Variants in PCDH9 observed in about 807,000 individuals in gnomAD.
The protein encoded by PCDH9 is protocadherin-9.
Under a neutral mutation model 70.6 loss-of-function variants are expected in PCDH9, and 24 were observed. The ratio of observed to expected loss-of-function variants is 0.34; its 90% CI spans 0.25 to 0.48. The LOEUF is 0.48. Ranked by LOEUF, PCDH9 falls within the 20% of genes least tolerant of loss-of-function variation. The pLI, the probability that PCDH9 is intolerant of heterozygous loss-of-function variation, is 0.99. For synonymous variants in PCDH9, 562 were observed against 558.5 expected (o/e 1.01, Z -0.09); for missense variants, 1,281 against 1,503.6 (o/e 0.85, Z 2.45).
intron 4 of PCDH9, among the ~76,000 whole-genome samples, chr13:66,614,284 A>G (rs1264670062): frequency 6.6e-6 from 1 of 152,224 alleles, no homozygotes; most frequent in East Asian, 1.9e-4. Context: ...GTGGTGGAAG[A>G]ATTGTGGAAA....
chr13:67,160,795 G>A (rs1027568623), intron 2 of PCDH9, among the ~76,000 whole-genome samples: 1 of 152,152 alleles, frequency 6.6e-6, no homozygotes, highest in African/African-American at 2.4e-5. Context: ...TTTGTCTTAT[G>A]GAGGCAGATT....
intron 4 of PCDH9, among the ~76,000 whole-genome samples, chr13:66,397,637 T>C (rs1378501067): frequency 2.0e-5 from 3 of 151,554 alleles, no homozygotes; most frequent in South Asian, 2.1e-4. Flanking sequence ...TTTGTATATA[T>C]ATACACAAAA....
chr13:66,557,196 G>C (rs547740059), intron 4 of PCDH9, among the ~76,000 whole-genome samples: 2 of 152,152 alleles, frequency 1.3e-5, no homozygotes, highest in Non-Finnish European at 2.9e-5. Flanking sequence ...GCAAATGAAT[G>C]TATTTTTTGT....
chr13:66,305,192 C>T (rs773878974), intron 4 of PCDH9, among the ~76,000 whole-genome samples, 164 bp from the exon 5 acceptor site: 7 of 151,968 alleles, frequency 4.6e-5, no homozygotes, highest in Non-Finnish European at 1.0e-4. Flanking sequence ...AAGATTAACA[C>T]AAAAGGCATC....
Position 66,924,568 on chromosome 13 carries a change from A to G in PCDH9, c.3037-20963T>C, listed in dbSNP as rs559953872. 6.3e-4 allele frequency among the ~76,000 whole-genome samples: 95 copies of G among 151,916 alleles called. 1 individual carries two copies. The highest frequency in any genetic ancestry group is 1.3e-3 in the Non-Finnish European group (86 of 67,810). ...CGTTCTTCATGTAAAGAACATATAT[A>G]AGAAATTTCCTAATGTACTAATCAA... On this transcript the variant is annotated intron_variant, in intron 2 of 4. Transcript: ENST00000377865.
At chr13:67,005,254 T>G (rs1179296477) in intron 2 of PCDH9, among the ~76,000 whole-genome samples, 1 of 150,228 alleles carries the variant, frequency 6.7e-6, no homozygotes, top group Non-Finnish European at 1.5e-5. Flanking sequence ...AAAAAAAAAG[T>G]TGTAGGAAGA....
intron 4 of PCDH9, among the ~76,000 whole-genome samples, chr13:66,608,293 T>G (rs2077247325): frequency 6.6e-6 from 1 of 152,158 alleles, no homozygotes; most frequent in Admixed American, 6.5e-5. Flanking sequence ...TTGTGTAATT[T>G]CTATAAGCTG....
chr13:66,631,896 T>C (rs1359242541), intron 3 of PCDH9, among the ~76,000 whole-genome samples: 2 of 152,152 alleles, frequency 1.3e-5, no homozygotes, highest in African/African-American at 4.8e-5. Flanking sequence ...TTTTTGTTTG[T>C]TTGTTTGTTT....
chr13:66,361,017 C>T (rs913841815), intron 4 of PCDH9, among the ~76,000 whole-genome samples: 1 of 152,046 alleles, frequency 6.6e-6, no homozygotes. Flanking sequence ...TGTGTTTCCT[C>T]AAGTGCTCTT....
At chr13:66,745,583 C>T (rs932826082) in intron 3 of PCDH9, among the ~76,000 whole-genome samples, 6 of 152,088 alleles carry the variant, frequency 3.9e-5, no homozygotes, top group Non-Finnish European at 8.8e-5. Context: ...AGTGGGAGAG[C>T]TTTCACCAAC....
intron 4 of PCDH9, among the ~76,000 whole-genome samples, chr13:66,509,564 T>C (rs1470869226): frequency 6.6e-6 from 1 of 152,196 alleles, no homozygotes; most frequent in African/African-American, 2.4e-5. Context: ...TCTTTTCACC[T>C]TTTGTTTTGG....
At chr13:67,096,791 T>G (rs2086329119) in intron 2 of PCDH9, among the ~76,000 whole-genome samples, 1 of 152,110 alleles carries the variant, frequency 6.6e-6, no homozygotes, top group Non-Finnish European at 1.5e-5. Flanking sequence ...ACTGCATGTG[T>G]GAGGGCGAGA....
intron 3 of PCDH9, among the ~76,000 whole-genome samples, chr13:66,763,629 A>AT (rs2079662958): frequency 6.6e-6 from 1 of 152,070 alleles, no homozygotes; most frequent in Non-Finnish European, 1.5e-5. Flanking sequence ...AAAGTGCAAC[A>AT]TTTGGTAGAG....
intron 3 of PCDH9, among the ~76,000 whole-genome samples, chr13:66,878,133 C>G (rs2081852015): frequency 6.6e-6 from 1 of 152,102 alleles, no homozygotes; most frequent in Non-Finnish European, 1.5e-5. Flanking sequence ...GAGCATGAAA[C>G]AGTGAGATGA....
At chr13:66,518,276 A>T (rs1337599629) in intron 4 of PCDH9, among the ~76,000 whole-genome samples, 1 of 152,126 alleles carries the variant, frequency 6.6e-6, no homozygotes, top group Admixed American at 6.6e-5. Flanking sequence ...GTGCTAAGCC[A>T]TTCATGAAGG....
chr13:67,146,315 T>C (rs1399749139), intron 2 of PCDH9, among the ~76,000 whole-genome samples: 8 of 152,146 alleles, frequency 5.3e-5, no homozygotes, highest in Middle Eastern at 3.2e-3. Context: ...TATCTTAACA[T>C]ACTTAATAAA....
intron 4 of PCDH9, among the ~76,000 whole-genome samples, chr13:66,380,175 C>T (rs186878269): frequency 2.0e-5 from 3 of 152,048 alleles, no homozygotes; most frequent in African/African-American, 2.4e-5. Context: ...TTGGTGGCAG[C>T]GATATAGATT....
chr13:67,018,324 T>C (rs1007858414), intron 2 of PCDH9, among the ~76,000 whole-genome samples: 1 of 151,958 alleles, frequency 6.6e-6, no homozygotes, highest in Non-Finnish European at 1.5e-5. Context: ...AAATAAAATA[T>C]ATGACTTAAG....
chr13:66,927,176 G>A (rs1391175880), intron 2 of PCDH9, among the ~76,000 whole-genome samples: 1 of 152,058 alleles, frequency 6.6e-6, no homozygotes, highest in Non-Finnish European at 1.5e-5. Context: ...TGCTAGGGCT[G>A]CCATAATGAA....
Sources: allele counts gnomAD v4.1 joint callset (sites outside exome capture counted in the v4.1 genomes callset), GRCh38; gene constraint gnomAD v4.1.1; transcripts MANE v1.5; gene names NCBI Gene and HGNC (gene_info 2026-07-23, HGNC 2026-07-21).